Variants in CELF2 observed in about 807,000 individuals in gnomAD.
CELF2 encodes the protein CUGBP Elav-like family member 2.
In CELF2, 8 loss-of-function variants were observed where a neutral mutation model predicts 62.6. That is an observed-to-expected ratio of 0.13 (90% CI 0.07 to 0.23). The LOEUF (loss-of-function observed/expected upper bound fraction) is 0.23. Among genes scored for constraint, CELF2 ranks in the 10% least tolerant of loss-of-function variants. The pLI is 1.00. For synonymous variants in CELF2, 258 were observed against 250.0 expected, an observed-to-expected ratio of 1.03 and a Z score of -0.30; for missense variants, 333 against 671.0, an observed-to-expected ratio of 0.50 and a Z score of 5.56.
chr10:10,686,467 G>T, the CELF2 span, among the ~76,000 whole-genome samples: 4 of 152,206 alleles, frequency 2.6e-5, no homozygotes, highest in East Asian at 5.8e-4. Flanking sequence ...GCAGTGTTAT[G>T]GTTTGGCTCT....
chr10:11,016,857 A>C (rs1483021233), upstream of CELF2, among the ~76,000 whole-genome samples: 1 of 152,266 alleles, frequency 6.6e-6, no homozygotes, highest in African/African-American at 2.4e-5. The surrounding 1 kb of genome is among the most constrained non-coding windows in gnomAD (Gnocchi z 5.2). Flanking sequence ...ATTACCCTAA[A>C]AGTTTAAGAT....
At chr10:11,037,280 G>C (rs143172294) in intron 1 of CELF2, among the ~76,000 whole-genome samples, 2 of 152,210 alleles carry the variant, frequency 1.3e-5, no homozygotes, top group Non-Finnish European at 2.9e-5. Flanking sequence ...TTACTGTCGT[G>C]AGAACAGCGT....
chr10:10,640,534 A>G, the CELF2 span, among the ~76,000 whole-genome samples: 2 of 152,244 alleles, frequency 1.3e-5, no homozygotes, highest in East Asian at 1.9e-4. Context: ...ATCTTCTTCA[A>G]TAATGGTCTG....
chr10:10,692,434 A>T, the CELF2 span, among the ~76,000 whole-genome samples: 1,483 of 147,074 alleles, frequency 0.01, 9 homozygotes, highest in African/African-American at 0.027. Flanking sequence ...GTTTGAAGTC[A>T]GGTAGTGTGA....
upstream of CELF2, chr10:10,796,957 G>C (rs1272871565): frequency 9.1e-6 from 8 of 878,766 alleles, no homozygotes; most frequent in Non-Finnish European, 1.1e-5. Flanking sequence ...TCTGAAGAAA[G>C]TCATTCACAG....
chr10:11,236,279 G>A (rs1335293116), intron 3 of CELF2, among the ~76,000 whole-genome samples: 1 of 152,226 alleles, frequency 6.6e-6, no homozygotes, highest in Non-Finnish European at 1.5e-5. Context: ...TTGAACCAGA[G>A]ATTTTAAAGA....
At chr10:11,000,618 CTTCCACAGTATGACTGACAGGTCA>C (rs2054421372), upstream of CELF2, among the ~76,000 whole-genome samples, 1 of 152,168 alleles carries the variant, frequency 6.6e-6, no homozygotes, top group African/African-American at 2.4e-5. Context: ...CCACCTCCTG[CTTCCACAGTATGACTGACAGGTCA>C]TTTTTGAGTT....
intron 9 of CELF2, among the ~76,000 whole-genome samples, chr10:11,308,882 C>G (rs2094417488): frequency 1.3e-5 from 2 of 152,206 alleles, no homozygotes; most frequent in Admixed American, 6.5e-5. Context: ...GTCCTCTGTC[C>G]TACTTACTTG....
the CELF2 span, among the ~76,000 whole-genome samples, chr10:10,618,535 G>T: frequency 6.6e-6 from 1 of 152,064 alleles, no homozygotes; most frequent in Non-Finnish European, 1.5e-5. Context: ...GCAACTCAAA[G>T]CACCCCGACC....
At chr10:10,598,581 C>T in the CELF2 span, among the ~76,000 whole-genome samples, 1 of 151,934 alleles carries the variant, frequency 6.6e-6, no homozygotes, top group Non-Finnish European at 1.5e-5. Flanking sequence ...ATATGCATGT[C>T]GTTATGAAGC....
chr10:10,895,176 C>T (rs1358249405), intron 1 of CELF2, among the ~76,000 whole-genome samples: 1 of 152,140 alleles, frequency 6.6e-6, no homozygotes, highest in African/African-American at 2.4e-5. Flanking sequence ...AGATCAAACC[C>T]CTGAGCCCAG....
the CELF2 span, among the ~76,000 whole-genome samples, chr10:10,762,943 A>T: frequency 6.6e-6 from 1 of 152,218 alleles, no homozygotes; most frequent in Non-Finnish European, 1.5e-5. Flanking sequence ...TGTCTCTAAA[A>T]TAAAATAAAT....
chr10:10,897,419 C>A (rs1268053215), intron 1 of CELF2, among the ~76,000 whole-genome samples: 1 of 151,792 alleles, frequency 6.6e-6, no homozygotes, highest in Non-Finnish European at 1.5e-5. Context: ...AAAATGTGGG[C>A]TGTTTTCTCC....
the CELF2 span, among the ~76,000 whole-genome samples, chr10:10,536,569 T>A: frequency 6.6e-6 from 1 of 152,092 alleles, no homozygotes; most frequent in East Asian, 1.9e-4. Flanking sequence ...GACCTTATAG[T>A]TGTATTTAAC....
chr10:11,273,399 G>A (rs776754885), intron 7 of CELF2, among the ~76,000 whole-genome samples: 4 of 152,160 alleles, frequency 2.6e-5, no homozygotes, highest in Admixed American at 6.5e-5. Flanking sequence ...TCTAGGTTGC[G>A]TGCTCCTTAT....
Position 11,079,675 on chromosome 10 carries a change from A to G in CELF2, c.74+61512A>G, listed in dbSNP as rs928608915. Reference sequence around the variant, plus strand: ...AGTCATGCAGAACTGTAAGTCAATTAAACCTCTTTATAAATTACTCAGTCT... The same window carrying G: ...AGTCATGCAGAACTGTAAGTCAATTGAACCTCTTTATAAATTACTCAGTCT... On this transcript the variant is annotated intron_variant, in intron 1 of 12. Coordinates refer to ENST00000633077, the MANE Select transcript of CELF2 (RefSeq NM_001326342.2). 5.3e-5 allele frequency among the ~76,000 whole-genome samples: 8 copies of G among 152,100 alleles called. No individual in the cohort carries two copies. In the South Asian group the frequency reaches 1.5e-3, roughly 28 times the overall value.
chr10:10,670,039 A>T, the CELF2 span, among the ~76,000 whole-genome samples: 4 of 150,688 alleles, frequency 2.7e-5, no homozygotes, highest in African/African-American at 9.8e-5. Flanking sequence ...AGTTGCTGGG[A>T]TTACAGGCAA....
the CELF2 span, among the ~76,000 whole-genome samples, chr10:10,580,468 C>T: frequency 6.6e-6 from 1 of 152,140 alleles, no homozygotes; most frequent in Admixed American, 6.5e-5. Flanking sequence ...CAACCTGTTC[C>T]TGTTCGCACC....
rs1211674917 is a variant in CELF2 at position 11,321,793 on chromosome 10, C to G, written c.1294+407C>G. ...TTCATCGATCTCTTCAGATGAAGTT[C>G]TTGTCCATTGTATATTTATATACCA... On this transcript the variant is annotated intron_variant, in intron 11 of 12. Coordinates refer to ENST00000633077, the MANE Select transcript of CELF2 (RefSeq NM_001326342.2). This position sits in a 1 kb window ranked among gnomAD's most constrained non-coding sequence, Gnocchi z 6.2. Among the ~76,000 whole-genome samples the G allele has an allele frequency of 6.6e-6, 1 of 152,178 alleles. No individual in the cohort carries two copies. Among genetic ancestry groups the G allele is most frequent in the African/African-American group, 2.4e-5 (1 of 41,436 alleles).
Sources: allele counts gnomAD v4.1 joint callset (sites outside exome capture counted in the v4.1 genomes callset), GRCh38; gene constraint gnomAD v4.1.1; non-coding constraint Gnocchi (gnomAD v3.1); transcripts MANE v1.5; gene names NCBI Gene and HGNC (gene_info 2026-07-23, HGNC 2026-07-21).